The following CYP19A1 variants were observed in gnomAD, a reference collection of about 807,000 sequenced individuals.
CYP19A1 encodes cytochrome P450 family 19 subfamily A member 1, also known as aromatase.
Under a neutral mutation model 44.4 loss-of-function variants are expected in CYP19A1, and 32 were observed. The observed-to-expected ratio is 0.72, with a 90% confidence interval of 0.54 to 0.97. CYP19A1 has a LOEUF of 0.97. CYP19A1 is among the 50% of genes least tolerant of loss of function. The probability of loss-of-function intolerance (pLI) is 0.00; values close to 1 mark genes in which losing one functional copy is unlikely to be tolerated. For synonymous variants in CYP19A1, 212 were observed against 215.6 expected (o/e 0.98, Z 0.14); for missense variants, 598 against 637.8 (o/e 0.94, Z 0.67).
chr15:51,237,043 A>C, intron 2 of CYP19A1, 34 bp from the exon 3 acceptor site: 1 of 1,613,566 alleles, frequency 6.2e-7, no homozygotes, highest in Non-Finnish European at 8.5e-7. Flanking sequence ...GCAACATCTT[A>C]GTTACACCAA....
In CYP19A1 at chr15:51,210,309, T is replaced by C; in HGVS notation, c.*499A>G. On this transcript the variant is annotated 3_prime_UTR_variant, in exon 10 of 10. Coordinates refer to ENST00000396402, the MANE Select transcript of CYP19A1 (RefSeq NM_000103.4). ...TAAGCATTTCTCCAAAGACTATGAA[T>C]GTTGCTTTTCCACCTCCACAGAAAA... The C allele has an allele frequency of 2.1e-6, 1 of 469,066 alleles. No individual in the cohort carries two copies. Among genetic ancestry groups the C allele is most frequent in the Non-Finnish European group, 4.3e-6 (1 of 234,684 alleles). 29.1% of individuals were successfully genotyped at this position (469,066 alleles called of 1,614,324 possible).
At chr15:51,274,687 A>G (rs1237704294) in intron 1 of CYP19A1, among the ~76,000 whole-genome samples, 2 of 152,194 alleles carry the variant, frequency 1.3e-5, no homozygotes. Context: ...TGATGGAAGG[A>G]TCACAAGAAA....
At chr15:51,240,079 T>C (rs8024515) in intron 2 of CYP19A1, among the ~76,000 whole-genome samples, 99,161 of 130,088 alleles carry the variant, frequency 0.76, 34,140 homozygotes, top group African/African-American at 0.81. Flanking sequence ...CACTCCCCCT[T>C]CTCCGCAGAA....
chr15:51,292,501 G>C (rs962568884), intron 1 of CYP19A1, among the ~76,000 whole-genome samples: 1 of 152,166 alleles, frequency 6.6e-6, no homozygotes, highest in Non-Finnish European at 1.5e-5. Flanking sequence ...CAGCATTTTC[G>C]CAAACTGGCA....
In CYP19A1 at chr15:51,236,170, G is replaced by A. The variant is rs529719621; in HGVS notation, c.296+689C>T. Among the ~76,000 whole-genome samples, 152 of 152,128 alleles carry A rather than the reference G, an allele frequency of 1.0e-3. 1 individual carries two copies. The highest frequency in any genetic ancestry group is 1.1e-3 in the Non-Finnish European group (77 of 67,996). ...CTGATTTATGTAAGATCACTCCACC[G>A]GGATACTCGCATAAAGTCATAAATG... is the stretch of plus-strand genomic sequence containing the variant. On this transcript the variant is annotated intron_variant, in intron 3 of 9. Transcript: ENST00000396402.
intron 3 of CYP19A1, among the ~76,000 whole-genome samples, chr15:51,228,164 A>AAC (rs147288710): frequency 8.5e-5 from 13 of 152,066 alleles, no homozygotes; most frequent in African/African-American, 2.4e-4. Flanking sequence ...AAAGATAGAA[A>AAC]ACACACACAC....
intron 1 of CYP19A1, among the ~76,000 whole-genome samples, chr15:51,278,688 C>T (rs1226266111): frequency 6.6e-6 from 1 of 152,184 alleles, no homozygotes; most frequent in Non-Finnish European, 1.5e-5. Flanking sequence ...CAGTTGTGTA[C>T]ACCTGGGGTT....
chr15:51,220,121 G>C (rs1028962459), intron 5 of CYP19A1, among the ~76,000 whole-genome samples: 1 of 152,186 alleles, frequency 6.6e-6, no homozygotes. Flanking sequence ...TTAAAAGTAC[G>C]CATTGTTCCT....
chr15:51,272,908 C>T (rs2035179849), intron 1 of CYP19A1, among the ~76,000 whole-genome samples: 1 of 152,098 alleles, frequency 6.6e-6, no homozygotes, highest in Non-Finnish European at 1.5e-5. Flanking sequence ...TAAATGCATA[C>T]TCGGTTAGGA....
intron 1 of CYP19A1, among the ~76,000 whole-genome samples, chr15:51,326,278 C>T (rs2036607257): frequency 6.6e-6 from 1 of 152,160 alleles, no homozygotes; most frequent in Non-Finnish European, 1.5e-5. Flanking sequence ...CCCTGGACCT[C>T]CCAAGGCCCA....
At chr15:51,220,601 T>C (rs2031986629) in intron 5 of CYP19A1, among the ~76,000 whole-genome samples, 1 of 152,242 alleles carries the variant, frequency 6.6e-6, no homozygotes, top group African/African-American at 2.4e-5. Flanking sequence ...TGATTAATTT[T>C]CTATTGATAC....
At chr15:51,224,652 C>A (rs1024190213) in intron 4 of CYP19A1, among the ~76,000 whole-genome samples, 1 of 152,254 alleles carries the variant, frequency 6.6e-6, no homozygotes, top group Non-Finnish European at 1.5e-5. Flanking sequence ...TGCTCACAAT[C>A]CTGCTTCCTT....
At chr15:51,269,522 G>A (rs1595740975) in intron 1 of CYP19A1, among the ~76,000 whole-genome samples, 1 of 151,978 alleles carries the variant, frequency 6.6e-6, no homozygotes, top group East Asian at 1.9e-4. Context: ...GGTTGCCATG[G>A]AGGTGGACTG....
At chr15:51,219,265 C>T (rs746382389) in intron 5 of CYP19A1, among the ~76,000 whole-genome samples, 2 of 152,106 alleles carry the variant, frequency 1.3e-5, no homozygotes, top group Non-Finnish European at 2.9e-5. Flanking sequence ...TTCTTTAATG[C>T]CTTGTCCTAA....
At chr15:51,216,816 G>A (rs1319715247) in intron 6 of CYP19A1, among the ~76,000 whole-genome samples, 1 of 152,136 alleles carries the variant, frequency 6.6e-6, no homozygotes, top group Non-Finnish European at 1.5e-5. Context: ...TTCTATGTAA[G>A]ATACTTTAAG....
intron 3 of CYP19A1, 150 bp downstream of exon 3, chr15:51,236,709 G>A: frequency 1.1e-6 from 1 of 938,932 alleles, no homozygotes; most frequent in Non-Finnish European, 1.6e-6. Context: ...TGTTTGCAAT[G>A]TTAGATTTCT....
chr15:51,228,543 G>A (rs995902618), intron 3 of CYP19A1, among the ~76,000 whole-genome samples: 3 of 152,166 alleles, frequency 2.0e-5, no homozygotes, highest in African/African-American at 7.2e-5. Context: ...CTTGGCCAGC[G>A]CCTGGCTGGA....
At chr15:51,291,804 T>C (rs1442658713) in intron 1 of CYP19A1, among the ~76,000 whole-genome samples, 3 of 152,222 alleles carry the variant, frequency 2.0e-5, no homozygotes, top group South Asian at 2.1e-4. Flanking sequence ...CCATGAGCAA[T>C]ACACTCAGCT....
chr15:51,260,422 C>T (rs2140934307), intron 1 of CYP19A1, among the ~76,000 whole-genome samples: 1 of 152,310 alleles, frequency 6.6e-6, no homozygotes, highest in Admixed American at 6.5e-5. Context: ...TTTTAAAAGG[C>T]TAAAGCAGGC....
Sources: allele counts gnomAD v4.1 joint callset (sites outside exome capture counted in the v4.1 genomes callset), GRCh38; gene constraint gnomAD v4.1.1; transcripts MANE v1.5; gene names NCBI Gene and HGNC (gene_info 2026-07-23, HGNC 2026-07-21).